The following TOX variants were observed in gnomAD, a reference collection of about 807,000 sequenced individuals.
The protein encoded by TOX is thymocyte selection-associated high mobility group box protein TOX.
A neutral mutation model predicts 53.7 loss-of-function variants in TOX; 11 were observed. That is an observed-to-expected ratio of 0.20 (90% CI 0.13 to 0.34). The LOEUF (loss-of-function observed/expected upper bound fraction) is 0.34. Ranked by LOEUF, TOX falls within the 10% of genes least tolerant of loss-of-function variation. TOX has a pLI of 1.00. For missense variants in TOX, 570 were observed against 664.6 expected (o/e 0.86, Z 1.56); for synonymous variants, 225 against 245.3 (o/e 0.92, Z 0.77).
intron 1 of TOX, among the ~76,000 whole-genome samples, chr8:59,086,043 T>C (rs1804503341): frequency 6.9e-6 from 1 of 145,756 alleles, no homozygotes; most frequent in Non-Finnish European, 1.5e-5. Flanking sequence ...TGGGGTGCAA[T>C]GGCACAATCT....
intron 3 of TOX, among the ~76,000 whole-genome samples, chr8:58,864,095 T>A (rs1348501057): frequency 6.6e-6 from 1 of 152,086 alleles, no homozygotes; most frequent in African/African-American, 2.4e-5. Flanking sequence ...TATATTTTCA[T>A]AAAAGTAATG....
chr8:58,980,828 A>G (rs1429128969), intron 1 of TOX, among the ~76,000 whole-genome samples: 2 of 151,798 alleles, frequency 1.3e-5, no homozygotes, highest in African/African-American at 4.8e-5. Context: ...AATCCTTCCC[A>G]CTCACCCATC....
At position 58,838,292 on chromosome 8, in the gene TOX, C is replaced by T. The variant is rs1563366418; in HGVS notation, c.713G>A (p.Arg238Gln). The change falls in exon 5 of 9, where the codon CGG (arginine) becomes CAG (glutamine). Residue 238 changes from arginine to glutamine, a missense_variant. Transcript: ENST00000361421. ...DTSKINGGEK[R>Q]PASDMGKKPK... Reference sequence around the variant, plus strand: ...TTTTTTCCCCATATCAGAGGCAGGCCGCTTCTCTCCACCATTGATCTGAAA... The same window carrying T: ...TTTTTTCCCCATATCAGAGGCAGGCTGCTTCTCTCCACCATTGATCTGAAA... The T allele has an allele frequency of 9.3e-6, 15 of 1,613,492 alleles. No homozygotes were observed. Among genetic ancestry groups the T allele is most frequent in the Non-Finnish European group, 1.2e-5 (14 of 1,179,884 alleles).
intron 2 of TOX, among the ~76,000 whole-genome samples, chr8:58,953,114 T>C (rs1192306343): frequency 1.3e-5 from 2 of 151,972 alleles, no homozygotes; most frequent in Admixed American, 6.6e-5. Flanking sequence ...AATACCCAAC[T>C]AAAATAATAA....
intron 1 of TOX, among the ~76,000 whole-genome samples, chr8:59,031,721 C>T (rs183153667): frequency 1.3e-5 from 2 of 152,316 alleles, no homozygotes; most frequent in Non-Finnish European, 2.9e-5. Flanking sequence ...TGACAACAAG[C>T]TAGCTTCAAG....
chr8:59,094,478 A>C (rs1228995342), intron 1 of TOX, among the ~76,000 whole-genome samples: 1 of 152,132 alleles, frequency 6.6e-6, no homozygotes, highest in Admixed American at 6.5e-5. Context: ...TCTCCACTAA[A>C]AATACAAAAA....
chr8:59,004,927 T>C (rs1813759640), intron 1 of TOX, among the ~76,000 whole-genome samples: 1 of 152,232 alleles, frequency 6.6e-6, no homozygotes, highest in Admixed American at 6.5e-5. Flanking sequence ...AACTTAGTAG[T>C]AGCCTATATC....
intron 1 of TOX, among the ~76,000 whole-genome samples, chr8:59,099,941 T>C (rs1340162026): frequency 6.6e-6 from 1 of 152,184 alleles, no homozygotes; most frequent in African/African-American, 2.4e-5. Context: ...AAAAGAAAGG[T>C]TCCTGATTTT....
chr8:58,830,953 T>C (rs1307599516), intron 5 of TOX, among the ~76,000 whole-genome samples: 1 of 152,198 alleles, frequency 6.6e-6, no homozygotes, highest in Admixed American at 6.6e-5. Context: ...GTTATTTAGG[T>C]CAGTTAGAGC....
At chr8:58,976,629 A>T (rs1813105779) in intron 1 of TOX, among the ~76,000 whole-genome samples, 1 of 152,238 alleles carries the variant, frequency 6.6e-6, no homozygotes, top group African/African-American at 2.4e-5. Flanking sequence ...TCCCAGGTCC[A>T]TCAAAGGAAT....
chr8:58,970,153 AC>A (rs2129179557), intron 1 of TOX, among the ~76,000 whole-genome samples: 1 of 152,212 alleles, frequency 6.6e-6, no homozygotes, highest in Non-Finnish European at 1.5e-5. Context: ...CCTCACAACA[AC>A]CCCACAGTCA....
chr8:58,928,320 C>T (rs567846544), intron 3 of TOX, among the ~76,000 whole-genome samples: 56 of 152,322 alleles, frequency 3.7e-4, no homozygotes, highest in African/African-American at 1.2e-3. Context: ...AAAAAACAAC[C>T]GCACACAAGA....
chr8:58,817,710 T>A (rs1348586592), intron 6 of TOX, among the ~76,000 whole-genome samples: 9 of 152,196 alleles, frequency 5.9e-5, no homozygotes, highest in Non-Finnish European at 2.9e-5. Flanking sequence ...CTGTGTTGAC[T>A]TCATACCAGA....
chr8:58,997,542 G>A (rs560412973), intron 1 of TOX, among the ~76,000 whole-genome samples: 12 of 152,146 alleles, frequency 7.9e-5, no homozygotes, highest in Non-Finnish European at 1.3e-4. Flanking sequence ...TGCCAAGTGC[G>A]CCTGGGTGGT....
chr8:58,890,137 T>C lies in TOX; in HGVS notation c.412-38332A>G, dbSNP rs1393591467. Reference sequence around the variant, plus strand: ...ATATTTTTTGCTCTTATTAACCAAATATATTTGACAATACATCAATTGTTC... The same window carrying C: ...ATATTTTTTGCTCTTATTAACCAAACATATTTGACAATACATCAATTGTTC... On this transcript the variant is annotated intron_variant, in intron 3 of 8. Coordinates refer to ENST00000361421, the MANE Select transcript of TOX (RefSeq NM_014729.3). 3.9e-5 allele frequency among the ~76,000 whole-genome samples: 6 copies of C among 152,340 alleles called. No individual in the cohort carries two copies. In the East Asian group the frequency reaches 1.2e-3, roughly 29 times the overall value.
chr8:59,051,198 A>T (rs1205627410), intron 1 of TOX, among the ~76,000 whole-genome samples: 1 of 152,104 alleles, frequency 6.6e-6, no homozygotes, highest in Non-Finnish European at 1.5e-5. Flanking sequence ...ACTGAAGAAA[A>T]TGAGGCAGAT....
chr8:59,103,879 G>A (rs1804850939), intron 1 of TOX, among the ~76,000 whole-genome samples: 1 of 152,162 alleles, frequency 6.6e-6, no homozygotes, highest in African/African-American at 2.4e-5. Flanking sequence ...TAACTCAGCA[G>A]GTGTTCTTCT....
intron 3 of TOX, among the ~76,000 whole-genome samples, chr8:58,920,859 A>AT (rs1812060994): frequency 6.6e-6 from 1 of 151,764 alleles, no homozygotes; most frequent in Non-Finnish European, 1.5e-5. Context: ...GTAGAGCTCA[A>AT]TATATACTTG....
intron 3 of TOX, among the ~76,000 whole-genome samples, chr8:58,880,309 G>A (rs1811361936): frequency 6.6e-6 from 1 of 152,184 alleles, no homozygotes; most frequent in Non-Finnish European, 1.5e-5. Flanking sequence ...ACATCCTTGA[G>A]CTTGAGTTCC....
Sources: gnomAD v4.1 joint callset for allele counts (sites outside exome capture counted in the v4.1 genomes callset) on GRCh38, gnomAD v4.1.1 for gene constraint, MANE v1.5 for transcripts, NCBI Gene and HGNC (gene_info 2026-07-23, HGNC 2026-07-21) for gene names.